NAV3: variants seen among roughly 807,000 people sequenced by gnomAD.
NAV3 encodes neuron navigator 3.
NAV3 carries 87 observed loss-of-function variants against 244.7 expected under a neutral mutation model. The ratio of observed to expected loss-of-function variants is 0.36; its 90% CI spans 0.30 to 0.42. The LOEUF (loss-of-function observed/expected upper bound fraction) is 0.42, where lower values mean the gene tolerates loss of function less well. Among genes scored for constraint, NAV3 ranks in the 20% least tolerant of loss-of-function variants. The probability of loss-of-function intolerance (pLI) is 1.00; values close to 1 mark genes in which losing one functional copy is unlikely to be tolerated. For missense variants in NAV3, 2,663 were observed against 2,893.3 expected (o/e 0.92, Z 1.83); for synonymous variants, 1,126 against 1,042.2 (o/e 1.08, Z -1.55).
chr12:77,973,523 G>A (rs141503163), intron 5 of NAV3, among the ~76,000 whole-genome samples: 1 of 152,250 alleles, frequency 6.6e-6, no homozygotes, highest in African/African-American at 2.4e-5. Context: ...AAATCCCCGG[G>A]TACACGTTTT....
chr12:77,871,410 G>A (rs1158310107), intron 1 of NAV3, among the ~76,000 whole-genome samples: 1 of 152,002 alleles, frequency 6.6e-6, no homozygotes, highest in Non-Finnish European at 1.5e-5. Flanking sequence ...TCTACATTAG[G>A]TATTTCTCTT....
chr12:78,175,500 T>G, intron 25 of NAV3, 73 bp downstream of exon 25: 1 of 1,551,594 alleles, frequency 6.4e-7, no homozygotes. Flanking sequence ...CTTTGGGGCT[T>G]TAGTGATCTG....
At chr12:77,981,216 A>G (rs999672493) in intron 5 of NAV3, among the ~76,000 whole-genome samples, 2 of 152,148 alleles carry the variant, frequency 1.3e-5, no homozygotes, top group Non-Finnish European at 2.9e-5. Context: ...CAGTGAGGAC[A>G]CTTTTTGCAA....
At chr12:77,867,298 C>T (rs1225763759) in intron 1 of NAV3, among the ~76,000 whole-genome samples, 1 of 152,152 alleles carries the variant, frequency 6.6e-6, no homozygotes, top group Non-Finnish European at 1.5e-5. Context: ...CCATCTAAGT[C>T]GTGCCTTTCG....
chr12:77,702,541 CT>C (rs1420805529), intron 2 of NAV3, among the ~76,000 whole-genome samples: 1 of 151,804 alleles, frequency 6.6e-6, no homozygotes, highest in Non-Finnish European at 1.5e-5. Context: ...TTCCTGCTTT[CT>C]TTCATAAAAA....
At chr12:77,591,169 T>C (rs2136717845) in intron 2 of NAV3, among the ~76,000 whole-genome samples, 1 of 152,354 alleles carries the variant, frequency 6.6e-6, no homozygotes, top group East Asian at 1.9e-4. Context: ...CTCATTAAAA[T>C]TTGTCTTCTT....
At chr12:77,835,408 A>G (rs143968461) in intron 1 of NAV3, among the ~76,000 whole-genome samples, 2,772 of 152,310 alleles carry the variant, frequency 0.018, 79 homozygotes, top group African/African-American at 0.062. Context: ...CCTTGTACCA[A>G]ACAGTTTTAT....
intron 11 of NAV3, among the ~76,000 whole-genome samples, chr12:78,053,672 T>C (rs915375414): frequency 6.6e-6 from 1 of 152,062 alleles, no homozygotes; most frequent in Non-Finnish European, 1.5e-5. Context: ...ATTCTCAGCA[T>C]AAAAACACAA....
chr12:78,191,870 C>T (rs56332104), intron 34 of NAV3, among the ~76,000 whole-genome samples: 3 of 152,036 alleles, frequency 2.0e-5, no homozygotes, highest in African/African-American at 7.2e-5. Context: ...TGACAAAACT[C>T]TTTACAAGGT....
intron 2 of NAV3, among the ~76,000 whole-genome samples, chr12:77,817,857 T>A (rs1416314735): frequency 6.6e-6 from 1 of 152,136 alleles, no homozygotes; most frequent in East Asian, 1.9e-4. Flanking sequence ...TGGATAAATG[T>A]GTTCCTAAGC....
chr12:77,868,242 A>AACG (rs201536331), intron 1 of NAV3, among the ~76,000 whole-genome samples: 1 of 151,934 alleles, frequency 6.6e-6, no homozygotes, highest in Admixed American at 6.6e-5. Context: ...CAACAACAAC[A>AACG]AAAACCCTTC....
At chr12:77,925,700 A>G (rs1407156458) in intron 1 of NAV3, among the ~76,000 whole-genome samples, 4 of 152,120 alleles carry the variant, frequency 2.6e-5, no homozygotes, top group Non-Finnish European at 5.9e-5. Context: ...AGGTATGTGG[A>G]TCTAGCTCCT....
intron 2 of NAV3, among the ~76,000 whole-genome samples, chr12:77,783,066 TA>T: frequency 6.6e-6 from 1 of 152,168 alleles, no homozygotes; most frequent in South Asian, 2.1e-4. Context: ...AACATATTTT[TA>T]AAATTCATTT....
intron 1 of NAV3, among the ~76,000 whole-genome samples, chr12:77,843,316 G>A (rs916985593): frequency 7.9e-5 from 12 of 151,916 alleles, no homozygotes; most frequent in East Asian, 1.9e-4. Context: ...AGACTATTTC[G>A]GTAAATGTAA....
At chr12:77,786,437 T>C (rs905656979) in intron 2 of NAV3, among the ~76,000 whole-genome samples, 1 of 152,150 alleles carries the variant, frequency 6.6e-6, no homozygotes, top group Non-Finnish European at 1.5e-5. Flanking sequence ...CTGAAGTGAC[T>C]CTTTTTTGTC....
chr12:77,951,260 G>C (rs184019413), intron 3 of NAV3, among the ~76,000 whole-genome samples: 1 of 152,144 alleles, frequency 6.6e-6, no homozygotes, highest in South Asian at 2.1e-4. Context: ...GTGGGCGAAG[G>C]ATATGAACAG....
chr12:77,698,727 G>A (rs1373505146), intron 2 of NAV3, among the ~76,000 whole-genome samples: 7 of 152,136 alleles, frequency 4.6e-5, no homozygotes, highest in Non-Finnish European at 1.0e-4. Flanking sequence ...ATGAGAATAC[G>A]GTTGAGGTAT....
At chr12:77,919,331 A>G (rs1296585638) in intron 1 of NAV3, among the ~76,000 whole-genome samples, 2 of 152,014 alleles carry the variant, frequency 1.3e-5, no homozygotes, top group Non-Finnish European at 2.9e-5. Flanking sequence ...AATGAAGGAA[A>G]CCTATGTGAA....
At chr12:78,195,978 G>A (rs1959169990) in intron 34 of NAV3, among the ~76,000 whole-genome samples, 1 of 152,046 alleles carries the variant, frequency 6.6e-6, no homozygotes, top group African/African-American at 2.4e-5. Context: ...AAACTCCATT[G>A]ATAGCAGGAA....
Sources: allele counts gnomAD v4.1 joint callset (sites outside exome capture counted in the v4.1 genomes callset), GRCh38; gene constraint gnomAD v4.1.1; transcripts MANE v1.5; gene names NCBI Gene and HGNC (gene_info 2026-07-23, HGNC 2026-07-21).